Variants in PRKN observed in about 807,000 individuals in gnomAD.
PRKN encodes the protein E3 ubiquitin-protein ligase parkin.
In PRKN, 56 loss-of-function variants were observed where a neutral mutation model predicts 59.5. That is an observed-to-expected ratio of 0.94 (90% CI 0.76 to 1.18). The LOEUF is 1.18. Ranked by LOEUF, PRKN falls within the 50% of genes most tolerant of loss-of-function variation. PRKN has a pLI of 0.00. For synonymous variants in PRKN, 250 were observed against 222.1 expected (o/e 1.13, Z -1.12); for missense variants, 657 against 596.4 (o/e 1.10, Z -1.06).
At chr6:161,707,427 C>G (rs1786549382) in intron 7 of PRKN, among the ~76,000 whole-genome samples, 1 of 152,170 alleles carries the variant, frequency 6.6e-6, no homozygotes, top group Non-Finnish European at 1.5e-5. Context: ...TGAAGAATCT[C>G]TTTCTCCAAT....
At chr6:162,481,727 A>G (rs1398279057) in intron 1 of PRKN, among the ~76,000 whole-genome samples, 1 of 152,130 alleles carries the variant, frequency 6.6e-6, no homozygotes, top group Non-Finnish European at 1.5e-5. Context: ...TTTTTTTTCA[A>G]ATGACGGCTG....
chr6:162,154,764 C>G (rs1194004515), intron 4 of PRKN, among the ~76,000 whole-genome samples: 2 of 151,976 alleles, frequency 1.3e-5, no homozygotes, highest in Non-Finnish European at 2.9e-5. Flanking sequence ...CAAAACAATT[C>G]ATAATATTTT....
At chr6:161,532,592 GT>G (rs1321342695) in intron 9 of PRKN, among the ~76,000 whole-genome samples, 1 of 152,038 alleles carries the variant, frequency 6.6e-6, no homozygotes, top group Admixed American at 6.6e-5. Context: ...GCTTTGTGGG[GT>G]TTTTTTACTT....
At position 161,361,788 on chromosome 6, in the gene PRKN, T is replaced by A. The variant is rs1784985623; in HGVS notation, c.1168-1583A>T. On this transcript the variant is annotated intron_variant, in intron 10 of 11. Transcript: ENST00000366898. The surrounding 1 kb of genome is among the most constrained non-coding windows in gnomAD (Gnocchi z 5.2). ...GGAGTCAGCTGCTCGGAGGCAACGG[T>A]AGGTCAATGAGTGCTTCCTTTGCTA... Among the ~76,000 whole-genome samples, 1 of 152,136 alleles carries A rather than the reference T, an allele frequency of 6.6e-6. No homozygotes were observed.
At chr6:162,149,210 A>C (rs930451393) in intron 4 of PRKN, among the ~76,000 whole-genome samples, 2 of 152,114 alleles carry the variant, frequency 1.3e-5, no homozygotes, top group African/African-American at 2.4e-5. Context: ...GATTTATTTT[A>C]TTTATAAAAT....
At chr6:161,973,698 C>T (rs563151440) in intron 5 of PRKN, among the ~76,000 whole-genome samples, 4 of 152,034 alleles carry the variant, frequency 2.6e-5, no homozygotes, top group Non-Finnish European at 2.9e-5. Context: ...CCATGCCCCT[C>T]GATGATAATA....
intron 3 of PRKN, among the ~76,000 whole-genome samples, chr6:162,212,903 A>G (rs1479578930): frequency 1.3e-5 from 2 of 152,198 alleles, no homozygotes; most frequent in Admixed American, 6.5e-5. Context: ...AAACATAGAA[A>G]AGGTAATGTG....
chr6:161,566,277 C>T lies in PRKN; in HGVS notation c.933+3078G>A, dbSNP rs879853698. Among the ~76,000 whole-genome samples the T allele has an allele frequency of 2.0e-5, 3 of 152,210 alleles. No individual in the cohort carries two copies. The highest frequency in any genetic ancestry group is 4.4e-5 in the Non-Finnish European group (3 of 68,022). On this transcript the variant is annotated intron_variant, in intron 8 of 11. Coordinates refer to ENST00000366898, the MANE Select transcript of PRKN (RefSeq NM_004562.3). This position sits in a 1 kb window ranked among gnomAD's most constrained non-coding sequence, Gnocchi z 4.1. ...ACCAAGGACCTCCACATTGTGGAGTCCAGTGCTCATTTCTCATCCTTGTCC... is the reference window on the plus strand; with the variant it reads ...ACCAAGGACCTCCACATTGTGGAGTTCAGTGCTCATTTCTCATCCTTGTCC...
chr6:162,130,315 G>C (rs1203223697), intron 4 of PRKN, among the ~76,000 whole-genome samples: 1 of 152,032 alleles, frequency 6.6e-6, no homozygotes, highest in East Asian at 1.9e-4. Flanking sequence ...ACAACAGAAG[G>C]TTTCTATTTT....
intron 2 of PRKN, among the ~76,000 whole-genome samples, chr6:162,310,929 A>C (rs1782481733): frequency 6.6e-6 from 1 of 152,078 alleles, no homozygotes; most frequent in Admixed American, 6.6e-5. Context: ...CATAATTATT[A>C]ATAACATTAA....
At chr6:162,295,516 C>G (rs1781630750) in intron 2 of PRKN, among the ~76,000 whole-genome samples, 1 of 152,170 alleles carries the variant, frequency 6.6e-6, no homozygotes, top group Non-Finnish European at 1.5e-5. Context: ...TGCGTCTCCC[C>G]TCCAAATGGA....
chr6:161,938,804 TGTGA>T (rs1779447684), intron 6 of PRKN, among the ~76,000 whole-genome samples: 1 of 152,188 alleles, frequency 6.6e-6, no homozygotes, highest in Non-Finnish European at 1.5e-5. Context: ...GTTTTAGAAA[TGTGA>T]GTGATTCTTT....
chr6:161,755,375 C>T (rs1349411569), intron 7 of PRKN, among the ~76,000 whole-genome samples: 1 of 152,030 alleles, frequency 6.6e-6, no homozygotes, highest in African/African-American at 2.4e-5. Flanking sequence ...CAGTAAACAT[C>T]ATCACTCCCA....
chr6:162,556,345 GTGTGTGTGTGTGTGTGT>G (rs1779577531), intron 1 of PRKN, among the ~76,000 whole-genome samples: 13 of 50,762 alleles, frequency 2.6e-4, no homozygotes, highest in Non-Finnish European at 3.4e-4. Context: ...CTCAGCTGGT[GTGTGTGTGTGTGTGTGT>G]GTGTGTGTGT....
At chr6:162,036,106 C>T (rs547777876) in intron 5 of PRKN, among the ~76,000 whole-genome samples, 108 of 151,820 alleles carry the variant, frequency 7.1e-4, no homozygotes, top group Non-Finnish European at 1.3e-3. Context: ...GGGCGGATCA[C>T]GAGGTCAGGA....
chr6:161,956,206 C>G (rs1051309154), intron 6 of PRKN, among the ~76,000 whole-genome samples: 2 of 152,158 alleles, frequency 1.3e-5, no homozygotes, highest in African/African-American at 4.8e-5. Flanking sequence ...AGAGGTAGAA[C>G]TGGGTTTTGA....
intron 2 of PRKN, among the ~76,000 whole-genome samples, chr6:162,430,024 C>T (rs1374015372): frequency 6.6e-6 from 1 of 152,048 alleles, no homozygotes; most frequent in Non-Finnish European, 1.5e-5. Flanking sequence ...ATATTCCTTC[C>T]TTTTAAAATC....
intron 1 of PRKN, among the ~76,000 whole-genome samples, chr6:162,633,458 A>AAAAAG (rs1777593264): frequency 6.8e-6 from 1 of 147,414 alleles, no homozygotes; most frequent in South Asian, 2.2e-4. Flanking sequence ...AAAAAAAAAA[A>AAAAAG]GGATCCATTT....
In PRKN at chr6:162,420,173, A is replaced by T. The variant is rs573246662; in HGVS notation, c.171+23137T>A. Among the ~76,000 whole-genome samples, 7 of 151,540 alleles carry T rather than the reference A, an allele frequency of 4.6e-5. No homozygotes were observed. The East Asian group carries it at 1.4e-3, about 30-fold the overall frequency. On this transcript the variant is annotated intron_variant, in intron 2 of 11. Coordinates refer to ENST00000366898, the MANE Select transcript of PRKN (RefSeq NM_004562.3). ...CCTGCAACTAGATGGTCTCATTGGG[A>T]GTGATGGGCAACAGTGACAGATCAT...
Sources: allele counts gnomAD v4.1 joint callset (sites outside exome capture counted in the v4.1 genomes callset), GRCh38; gene constraint gnomAD v4.1.1; non-coding constraint Gnocchi (gnomAD v3.1); transcripts MANE v1.5; gene names NCBI Gene and HGNC (gene_info 2026-07-23, HGNC 2026-07-21).